ZNF277: variants seen among roughly 807,000 people sequenced by gnomAD.
The protein encoded by ZNF277 is nuclear receptor-interacting factor 4.
A neutral mutation model predicts 60.7 loss-of-function variants in ZNF277; 55 were observed. The observed-to-expected ratio is 0.91, with a 90% confidence interval of 0.73 to 1.13. The LOEUF is 1.13. ZNF277 is among the 50% of genes most tolerant of loss of function. The pLI is 0.00. For synonymous variants in ZNF277, 178 were observed against 179.3 expected, an observed-to-expected ratio of 0.99 and a Z score of 0.06; for missense variants, 510 against 523.0, an observed-to-expected ratio of 0.98 and a Z score of 0.24.
intron 1 of ZNF277, among the ~76,000 whole-genome samples, chr7:112,212,280 A>G (rs977207207): frequency 1.4e-4 from 21 of 152,164 alleles, no homozygotes; most frequent in African/African-American, 5.1e-4. Context: ...GCTGTTACCA[A>G]TTTTCTACAG....
In ZNF277 at chr7:112,318,264, T is replaced by G; in HGVS notation, c.548T>G (p.Leu183Arg). Residue 183 changes from leucine (L) to arginine (R), a missense_variant, in exon 5 of 12, where the codon CTT (leucine) becomes CGT (arginine). Coordinates refer to ENST00000361822, the MANE Select transcript of ZNF277 (RefSeq NM_021994.3). ...GVCMFCNEEF[L>R]GNRSVILNHM... is the part of the protein sequence containing the mutation. ...TGTATGTTTTGCAATGAAGAATTCC[T>G]TGGAAACAGGTTTGCCATTTTGCAT... The G allele has an allele frequency of 6.2e-7, 1 of 1,612,978 alleles. No individual in the cohort carries two copies. The highest frequency in any genetic ancestry group is 8.5e-7 in the Non-Finnish European group (1 of 1,179,082).
intron 7 of ZNF277, among the ~76,000 whole-genome samples, chr7:112,331,951 G>A (rs1416245879): frequency 6.6e-6 from 1 of 152,204 alleles, no homozygotes; most frequent in Non-Finnish European, 1.5e-5. Flanking sequence ...GAGACTTCAA[G>A]GGATTTGCTC....
rs1477423065 is a variant in ZNF277 at position 112,241,730 on chromosome 7, G to C, written c.91+34923G>C. The stretch of plus-strand genomic sequence containing the variant: ...CATGGATGGAATTGGAGGACATTTT[G>C]TTAAGTGAAATAAGCTAGCACAGAA... On this transcript the variant is annotated intron_variant, in intron 1 of 11. Coordinates refer to ENST00000361822, the MANE Select transcript of ZNF277 (RefSeq NM_021994.3). Among the ~76,000 whole-genome samples, 3 of 152,088 alleles carry C rather than the reference G, an allele frequency of 2.0e-5. No homozygotes were observed. The South Asian group carries it at 6.2e-4, about 31-fold the overall frequency.
chr7:112,282,861 C>T (rs1224794715), intron 1 of ZNF277, among the ~76,000 whole-genome samples: 1 of 152,264 alleles, frequency 6.6e-6, no homozygotes, highest in African/African-American at 2.4e-5. Context: ...TTTCACCTCT[C>T]ACCCCCTCAG....
At chr7:112,340,743 T>G (rs1793427150) in intron 10 of ZNF277, 129 bp from the exon 11 acceptor site, 2 of 717,302 alleles carry the variant, frequency 2.8e-6, no homozygotes, top group Admixed American at 5.9e-5. Context: ...GTATCTATTA[T>G]TATGCTTTAT....
intron 3 of ZNF277, 89 bp downstream of exon 3, chr7:112,296,046 C>A: frequency 8.8e-7 from 1 of 1,136,292 alleles, no homozygotes; most frequent in Non-Finnish European, 1.3e-6. Context: ...ATTACTTTTA[C>A]TTTCATGATA....
chr7:112,256,421 G>GTTTTTTTTT (rs779126085), intron 1 of ZNF277, among the ~76,000 whole-genome samples: 2 of 95,384 alleles, frequency 2.1e-5, no homozygotes, highest in Non-Finnish European at 4.0e-5. Context: ...CTTCTTTGGA[G>GTTTTTTTTT]TTTTTTTTTT....
chr7:112,241,764 C>G (rs1790960210), intron 1 of ZNF277, among the ~76,000 whole-genome samples: 1 of 152,082 alleles, frequency 6.6e-6, no homozygotes, highest in Admixed American at 6.6e-5. Flanking sequence ...AAAGACAAAC[C>G]ACATGTTCTC....
In ZNF277 at chr7:112,318,240, G is replaced by C. The variant is rs768118473; in HGVS notation, c.524G>C (p.Cys175Ser). ...ERNDTNFHGV[C>S]MFCNEEFLGN... ...AATGATACCAATTTTCATGGCGTTT[G>C]TATGTTTTGCAATGAAGAATTCCTT... The change falls in exon 5 of 12, where the codon TGT becomes TCT. Residue 175 changes from cysteine to serine, a missense_variant. Cys to Ser is a moderately radical substitution (Grantham distance 112). Coordinates refer to ENST00000361822, the MANE Select transcript of ZNF277 (RefSeq NM_021994.3). 7 of 1,613,252 alleles carry C rather than the reference G, an allele frequency of 4.3e-6. No individual in the cohort carries two copies. Among genetic ancestry groups the C allele is most frequent in the Admixed American group, 1.7e-5 (1 of 59,926 alleles).
At chr7:112,215,730 C>G (rs1821861966) in intron 1 of ZNF277, among the ~76,000 whole-genome samples, 2 of 152,036 alleles carry the variant, frequency 1.3e-5, no homozygotes, top group South Asian at 4.1e-4. Flanking sequence ...ATGTTTTTTT[C>G]TTAACTGAAA....
At chr7:112,222,337 G>C (rs1297865631) in intron 1 of ZNF277, among the ~76,000 whole-genome samples, 2 of 152,182 alleles carry the variant, frequency 1.3e-5, no homozygotes, top group Non-Finnish European at 1.5e-5. Flanking sequence ...TCATGGGAAA[G>C]CTTTTGTTAC....
intron 1 of ZNF277, among the ~76,000 whole-genome samples, chr7:112,246,326 C>T (rs773174476): frequency 6.6e-6 from 1 of 152,038 alleles, no homozygotes; most frequent in Non-Finnish European, 1.5e-5. Context: ...CCTAGGAGGT[C>T]GAGGCTGCAG....
chr7:112,285,921 C>G (rs1305990391), intron 1 of ZNF277, among the ~76,000 whole-genome samples: 1 of 152,188 alleles, frequency 6.6e-6, no homozygotes, highest in Non-Finnish European at 1.5e-5. Context: ...GAAGAAGGTT[C>G]TCTTCTTTCT....
At chr7:112,282,951 A>G (rs937933754) in intron 1 of ZNF277, among the ~76,000 whole-genome samples, 2 of 152,204 alleles carry the variant, frequency 1.3e-5, no homozygotes, top group African/African-American at 4.8e-5. Context: ...TTAATACTGT[A>G]CATGTGAAGT....
At chr7:112,306,208 T>C (rs923667091) in intron 4 of ZNF277, among the ~76,000 whole-genome samples, 2 of 144,386 alleles carry the variant, frequency 1.4e-5, no homozygotes, top group Middle Eastern at 3.7e-3. Flanking sequence ...GATTTCTGAA[T>C]GTTCTTTTTT....
chr7:112,308,150 A>T lies in ZNF277; in HGVS notation c.466-10032A>T, dbSNP rs151245853. 2.7e-3 allele frequency among the ~76,000 whole-genome samples: 410 copies of T among 152,056 alleles called. 6 individuals are homozygous for T. The highest frequency in any genetic ancestry group is 5.1e-3 in the Non-Finnish European group (347 of 67,962). On this transcript the variant is annotated intron_variant, in intron 4 of 11. Coordinates refer to ENST00000361822, the MANE Select transcript of ZNF277 (RefSeq NM_021994.3). ...TCACTCACTGCCAGATGTTCTTTGG[A>T]TAGTTTTCTGATACCCACCCAATAA...
chr7:112,281,477 T>G (rs144910548), intron 1 of ZNF277, among the ~76,000 whole-genome samples: 2,001 of 152,340 alleles, frequency 0.013, 47 homozygotes, highest in African/African-American at 0.046. Context: ...AATTTAAAAA[T>G]TTCTAATTTA....
At chr7:112,232,493 T>C (rs1822366092) in intron 1 of ZNF277, among the ~76,000 whole-genome samples, 1 of 152,166 alleles carries the variant, frequency 6.6e-6, no homozygotes, top group Non-Finnish European at 1.5e-5. Flanking sequence ...TTCTCTGAGG[T>C]TACTAGAAGT....
chr7:112,247,415 T>A, intron 1 of ZNF277, among the ~76,000 whole-genome samples: 1 of 152,162 alleles, frequency 6.6e-6, no homozygotes, highest in East Asian at 1.9e-4. Flanking sequence ...ATGAGCAAAT[T>A]GTATTAGGAA....
Sources: gnomAD v4.1 joint callset for allele counts (sites outside exome capture counted in the v4.1 genomes callset) on GRCh38, gnomAD v4.1.1 for gene constraint, MANE v1.5 for transcripts, NCBI Gene and HGNC (gene_info 2026-07-23, HGNC 2026-07-21) for gene names.